The following APBB2 variants were observed in gnomAD, a reference collection of about 807,000 sequenced individuals.
APBB2 encodes amyloid beta precursor protein binding family B member 2, also known as Fe65-like 1.
Under a neutral mutation model 82.5 loss-of-function variants are expected in APBB2, and 38 were observed. The observed-to-expected ratio is 0.46, with a 90% CI of 0.36 to 0.60. The LOEUF is 0.60. APBB2 is among the 20% of genes least tolerant of loss of function. The pLI is 0.00. For missense variants in APBB2, 772 were observed against 972.3 expected (o/e 0.79, Z 2.74); for synonymous variants, 341 against 368.2 (o/e 0.93, Z 0.85).
chr4:40,819,374 A>G (rs1046075694), intron 17 of APBB2, among the ~76,000 whole-genome samples: 1 of 151,500 alleles, frequency 6.6e-6, no homozygotes, highest in Non-Finnish European at 1.5e-5. Context: ...TTTGGTAGAG[A>G]TGGGTTTCAC....
At chr4:40,937,004 T>C (rs183452701) in intron 7 of APBB2, among the ~76,000 whole-genome samples, 5 of 152,290 alleles carry the variant, frequency 3.3e-5, no homozygotes, top group African/African-American at 1.2e-4. Flanking sequence ...GCTACTAATA[T>C]GGATGTGAGA....
intron 1 of APBB2, among the ~76,000 whole-genome samples, chr4:41,212,478 C>T (rs1172292355): frequency 1.3e-5 from 2 of 152,112 alleles, no homozygotes; most frequent in African/African-American, 4.8e-5. Flanking sequence ...TTTCAATTAC[C>T]ACTTTATAAA....
At chr4:40,925,060 CCTT>C (rs1782265033) in intron 10 of APBB2, among the ~76,000 whole-genome samples, 3 of 152,188 alleles carry the variant, frequency 2.0e-5, no homozygotes, top group Admixed American at 2.0e-4. Flanking sequence ...GGTATCGTCT[CCTT>C]CTGGGAAACC....
At chr4:41,042,718 G>C (rs1560596981) in intron 4 of APBB2, among the ~76,000 whole-genome samples, 1 of 152,190 alleles carries the variant, frequency 6.6e-6, no homozygotes, top group Non-Finnish European at 1.5e-5. Flanking sequence ...TCAAACACAT[G>C]AAAGAACACT....
At chr4:41,162,542 A>G (rs1297615201) in intron 1 of APBB2, among the ~76,000 whole-genome samples, 3 of 152,072 alleles carry the variant, frequency 2.0e-5, no homozygotes, top group Non-Finnish European at 4.4e-5. Context: ...ACACACATAC[A>G]TGCTCATCAT....
At chr4:41,081,086 G>A (rs527484952) in intron 3 of APBB2, among the ~76,000 whole-genome samples, 2 of 152,144 alleles carry the variant, frequency 1.3e-5, no homozygotes, top group East Asian at 3.8e-4. Context: ...TTCTCTTGAC[G>A]TATCTAATGG....
intron 5 of APBB2, among the ~76,000 whole-genome samples, chr4:41,022,216 T>G (rs1711867092): frequency 1.3e-5 from 2 of 152,126 alleles, no homozygotes; most frequent in South Asian, 4.1e-4. Context: ...TTTAAAACAG[T>G]ATAGATGCCT....
chr4:41,130,015 A>C (rs1755530156), intron 2 of APBB2, among the ~76,000 whole-genome samples: 1 of 152,164 alleles, frequency 6.6e-6, no homozygotes. Context: ...ACAGACTAAC[A>C]TTTGAGTAAG....
intron 10 of APBB2, among the ~76,000 whole-genome samples, chr4:40,911,478 T>C (rs1778535450): frequency 6.6e-6 from 1 of 152,224 alleles, no homozygotes; most frequent in South Asian, 2.1e-4. Flanking sequence ...TGCCTAGTGA[T>C]ATAAAAGTCA....
rs192377675 is a variant in APBB2 at position 40,964,142 on chromosome 4, T to A, written c.836-19069A>T. ...ATGACTAACTCATTTAAAAAAAAAA[T>A]AAATTCTGCTCTGCTGATAGAACAA... On this transcript the variant is annotated intron_variant, in intron 6 of 17. Coordinates refer to ENST00000508593, the MANE Select transcript of APBB2 (RefSeq NM_004307.2). 5.1e-3 allele frequency among the ~76,000 whole-genome samples: 777 copies of A among 151,972 alleles called. 7 individuals are homozygous for A. The highest frequency in any genetic ancestry group is 8.3e-3 in the Non-Finnish European group (564 of 67,924).
At chr4:40,916,501 C>A (rs1395667758) in intron 10 of APBB2, among the ~76,000 whole-genome samples, 17 of 152,192 alleles carry the variant, frequency 1.1e-4, no homozygotes, top group Non-Finnish European at 1.6e-4. Context: ...GGCTGAGCTG[C>A]GATTTTCAAA....
At chr4:40,859,103 G>C (rs1464260155) in intron 12 of APBB2, among the ~76,000 whole-genome samples, 4 of 152,180 alleles carry the variant, frequency 2.6e-5, no homozygotes, top group Non-Finnish European at 4.4e-5. Flanking sequence ...GCAACAAATA[G>C]ATGGGTCTGC....
intron 6 of APBB2, among the ~76,000 whole-genome samples, chr4:40,992,911 G>A (rs771140844): frequency 6.6e-6 from 1 of 152,160 alleles, no homozygotes; most frequent in Admixed American, 6.6e-5. Context: ...CTGCCTACTT[G>A]TTCTAGTCTA....
At chr4:40,890,326 G>C (rs376948939) in intron 12 of APBB2, 38 bp downstream of exon 12, 1 of 1,597,382 alleles carries the variant, frequency 6.3e-7, no homozygotes, top group East Asian at 2.3e-5. Flanking sequence ...CCAGGGACAC[G>C]GGTGAGGTGA....
At chr4:41,172,392 GC>G (rs1337309346) in intron 1 of APBB2, among the ~76,000 whole-genome samples, 2 of 151,996 alleles carry the variant, frequency 1.3e-5, no homozygotes, top group African/African-American at 4.8e-5. Context: ...TCAGGTTTTG[GC>G]TTAAATATCA....
At chr4:40,823,384 C>A (rs1420899450) in intron 16 of APBB2, among the ~76,000 whole-genome samples, 1 of 152,224 alleles carries the variant, frequency 6.6e-6, no homozygotes, top group Non-Finnish European at 1.5e-5. Context: ...ACACTCACCT[C>A]TAGCAAACAA....
intron 6 of APBB2, among the ~76,000 whole-genome samples, chr4:40,968,001 A>T (rs1795075629): frequency 6.6e-6 from 1 of 152,238 alleles, no homozygotes; most frequent in African/African-American, 2.4e-5. Context: ...TAAAAAGCAT[A>T]AAAAGTGCCA....
intron 4 of APBB2, among the ~76,000 whole-genome samples, chr4:41,034,568 G>A (rs374115354): frequency 1.3e-5 from 2 of 152,098 alleles, no homozygotes; most frequent in Admixed American, 6.5e-5. Flanking sequence ...CAAGTGATCC[G>A]CCCACCTTGG....
intron 6 of APBB2, among the ~76,000 whole-genome samples, chr4:40,962,532 T>G (rs184114468): frequency 6.6e-6 from 1 of 152,330 alleles, no homozygotes; most frequent in East Asian, 1.9e-4. Context: ...CCAGACTTCT[T>G]GTTCTTTTTA....
Sources: allele counts gnomAD v4.1 joint callset (sites outside exome capture counted in the v4.1 genomes callset), GRCh38; gene constraint gnomAD v4.1.1; transcripts MANE v1.5; gene names NCBI Gene and HGNC (gene_info 2026-07-23, HGNC 2026-07-21).